The following IL1RAPL2 variants were observed in gnomAD, a reference collection of about 807,000 sequenced individuals.
IL1RAPL2 encodes interleukin 1 receptor accessory protein like 2.
IL1RAPL2 carries 3 observed loss-of-function variants against 44.1 expected under a neutral mutation model. The ratio of observed to expected loss-of-function variants is 0.07; its 90% CI spans 0.03 to 0.18. The LOEUF is 0.18. Among genes scored for constraint, IL1RAPL2 ranks in the 10% least tolerant of loss-of-function variants. The probability of loss-of-function intolerance (pLI) is 1.00; values close to 1 mark genes in which losing one functional copy is unlikely to be tolerated. For missense variants in IL1RAPL2, 391 were observed against 496.4 expected (o/e 0.79, Z 2.02); for synonymous variants, 181 against 178.8 (o/e 1.01, Z -0.10).
intron 2 of IL1RAPL2, among the ~76,000 whole-genome samples, chrX:104,890,332 C>A (rs1923388763): frequency 9.0e-6 from 1 of 111,698 alleles, no homozygotes; most frequent in African/African-American, 3.3e-5. Flanking sequence ...ATGGCTGGGT[C>A]AAATGGTATT....
chrX:105,631,326 G>T (rs1306219635), intron 6 of IL1RAPL2, among the ~76,000 whole-genome samples: 2 of 111,869 alleles, frequency 1.8e-5, no homozygotes, highest in Non-Finnish European at 3.8e-5. Context: ...GAATAGCCCA[G>T]CCAAAGGGTT....
At chrX:104,729,021 G>T (rs1931851396) in intron 2 of IL1RAPL2, among the ~76,000 whole-genome samples, 2 of 111,316 alleles carry the variant, frequency 1.8e-5, no homozygotes, top group African/African-American at 3.3e-5. Flanking sequence ...AGTCAAGTAT[G>T]CATGTTAAAA....
intron 5 of IL1RAPL2, among the ~76,000 whole-genome samples, chrX:105,324,794 G>A (rs773998096): frequency 1.8e-5 from 2 of 111,607 alleles, no homozygotes; most frequent in Non-Finnish European, 3.8e-5. Context: ...ATTATTGTTT[G>A]TGTGTATAGG....
intron 2 of IL1RAPL2, among the ~76,000 whole-genome samples, chrX:104,990,667 CA>C (rs1265574428): frequency 9.0e-6 from 1 of 111,383 alleles, no homozygotes; most frequent in Non-Finnish European, 1.9e-5. Flanking sequence ...ACTAAAACAT[CA>C]ATGGCCTGAG....
Position 104,738,244 on chromosome X carries a change from T to C in IL1RAPL2, c.82+79249T>C, listed in dbSNP as rs187963412. Among the ~76,000 whole-genome samples, 347 of 112,120 alleles carry C rather than the reference T, an allele frequency of 3.1e-3. 4 individuals carry two copies. The highest frequency in any genetic ancestry group is 4.8e-3 in the Non-Finnish European group (257 of 53,242). The stretch of plus-strand genomic sequence containing the variant: ...GAGTGTAAAAGAGGATGCCCATTAA[T>C]AATTATCCTGGACTTCCTTTGAAAT... On this transcript the variant is annotated intron_variant, in intron 2 of 10. Coordinates refer to ENST00000372582, the MANE Select transcript of IL1RAPL2 (RefSeq NM_017416.2).
At chrX:104,652,336 G>A (rs1305793978) in intron 1 of IL1RAPL2, among the ~76,000 whole-genome samples, 1 of 112,029 alleles carries the variant, frequency 8.9e-6, no homozygotes, top group East Asian at 2.8e-4. Flanking sequence ...ATAATCCCAT[G>A]TTAGACAAGA....
chrX:105,645,487 A>C (rs1426473157), intron 6 of IL1RAPL2, among the ~76,000 whole-genome samples: 1 of 112,101 alleles, frequency 8.9e-6, no homozygotes, highest in African/African-American at 3.2e-5. Context: ...CAGACAATAT[A>C]TGTAAATAAG....
At chrX:105,440,371 T>G (rs2035912071) in intron 5 of IL1RAPL2, among the ~76,000 whole-genome samples, 1 of 112,357 alleles carries the variant, frequency 8.9e-6, no homozygotes, top group South Asian at 3.7e-4. Flanking sequence ...GCACAATATA[T>G]TTTTATAATC....
intron 3 of IL1RAPL2, among the ~76,000 whole-genome samples, chrX:105,199,188 C>T (rs781947167): frequency 7.1e-4 from 79 of 110,709 alleles, no homozygotes; most frequent in Non-Finnish European, 1.2e-3. Flanking sequence ...TATTATACAC[C>T]GGCTTGTAAT....
chrX:105,655,564 G>C (rs1409404032), intron 6 of IL1RAPL2, among the ~76,000 whole-genome samples: 2 of 112,247 alleles, frequency 1.8e-5, no homozygotes, highest in East Asian at 5.6e-4. Context: ...TTGAATGTCA[G>C]AGTACAAGTA....
intron 5 of IL1RAPL2, among the ~76,000 whole-genome samples, chrX:105,426,612 G>GC (rs1379892249): frequency 9.2e-6 from 1 of 108,711 alleles, no homozygotes; most frequent in African/African-American, 3.4e-5. Flanking sequence ...TTTATTGCCT[G>GC]CCCCCTCCCA....
chrX:104,915,023 C>G lies in IL1RAPL2; in HGVS notation c.82+256028C>G, dbSNP rs766709168. ...CTATTGTGAATAGTGCCGCGATAAA[C>G]ATACATGTGCATGTGTCTTTATAGT... On this transcript the variant is annotated intron_variant, in intron 2 of 10. Coordinates refer to ENST00000372582, the MANE Select transcript of IL1RAPL2 (RefSeq NM_017416.2). Among the ~76,000 whole-genome samples the G allele has an allele frequency of 3.8e-4, 43 of 111,994 alleles. No homozygotes were observed. In the South Asian group the frequency reaches 0.01, roughly 27 times the overall value.
chrX:104,844,327 G>A (rs992259687), intron 2 of IL1RAPL2, among the ~76,000 whole-genome samples: 3 of 111,312 alleles, frequency 2.7e-5, no homozygotes, highest in Non-Finnish European at 5.7e-5. Flanking sequence ...TAAGTACCAT[G>A]GGTCATTAGT....
At chrX:105,044,646 G>T (rs2031812938) in intron 2 of IL1RAPL2, among the ~76,000 whole-genome samples, 1 of 111,734 alleles carries the variant, frequency 8.9e-6, no homozygotes, top group Admixed American at 9.6e-5. Flanking sequence ...AGGGAAGTAG[G>T]TTGAGACTGA....
intron 5 of IL1RAPL2, among the ~76,000 whole-genome samples, chrX:105,314,888 G>A (rs745623159): frequency 8.9e-6 from 1 of 111,886 alleles, no homozygotes; most frequent in Admixed American, 9.5e-5. Context: ...TCTGGAAAAG[G>A]GAGGGAAAGG....
intron 2 of IL1RAPL2, among the ~76,000 whole-genome samples, chrX:105,028,657 C>T (rs1245420927): frequency 5.4e-5 from 6 of 110,361 alleles, no homozygotes; most frequent in African/African-American, 2.0e-4. Context: ...AAGAACTTAT[C>T]AGTAATAATG....
intron 2 of IL1RAPL2, among the ~76,000 whole-genome samples, chrX:104,807,412 G>C (rs991470994): frequency 9.0e-6 from 1 of 111,216 alleles, no homozygotes; most frequent in African/African-American, 3.3e-5. Context: ...CAGGGCTCTG[G>C]TGATGCTTTG....
intron 6 of IL1RAPL2, among the ~76,000 whole-genome samples, chrX:105,704,090 A>G (rs762086228): frequency 9.0e-6 from 1 of 111,577 alleles, no homozygotes. Context: ...CCTGCCAAAG[A>G]GCTTACAGTA....
intron 2 of IL1RAPL2, among the ~76,000 whole-genome samples, chrX:104,792,614 G>A (rs1293055852): frequency 9.0e-6 from 1 of 111,384 alleles, no homozygotes; most frequent in Non-Finnish European, 1.9e-5. Flanking sequence ...AAGCAAAAAT[G>A]CATATAAAGT....
Sources: allele counts gnomAD v4.1 joint callset (sites outside exome capture counted in the v4.1 genomes callset), GRCh38; gene constraint gnomAD v4.1.1; transcripts MANE v1.5; gene names NCBI Gene and HGNC (gene_info 2026-07-23, HGNC 2026-07-21).